The following RBM48 variants were observed in gnomAD, a reference collection of about 807,000 sequenced individuals.
RBM48 encodes RNA-binding protein 48.
RBM48 carries 32 observed loss-of-function variants against 34.8 expected under a neutral mutation model. The observed-to-expected ratio is 0.92, with a 90% CI of 0.69 to 1.23. The LOEUF is 1.23. RBM48 is among the 50% of genes most tolerant of loss of function. The probability of loss-of-function intolerance (pLI) is 0.00; values close to 1 mark genes in which losing one functional copy is unlikely to be tolerated. For synonymous variants in RBM48, 151 were observed against 156.2 expected (o/e 0.97, Z 0.25); for missense variants, 441 against 447.2 (o/e 0.99, Z 0.12).
intron 4 of RBM48, 24 bp downstream of exon 4, chr7:92,534,994 T>C (rs1793675997): frequency 1.9e-6 from 3 of 1,611,934 alleles, no homozygotes; most frequent in African/African-American, 1.3e-5. Context: ...TAAAAAACTA[T>C]TCTAAGACAC....
chr7:92,535,307 A>C, intron 4 of RBM48: 1 of 1,196,772 alleles, frequency 8.4e-7, no homozygotes, highest in Non-Finnish European at 1.0e-6. Context: ...TATGAGCCAA[A>C]GTTGAGAAGC....
chr7:92,529,672 GT>G lies in RBM48; in HGVS notation c.302+7del. 1 of 1,504,586 alleles carries G rather than the reference GT, an allele frequency of 6.6e-7. No homozygotes were observed. Among genetic ancestry groups the G allele is most frequent in the East Asian group, 2.3e-5 (1 of 42,646 alleles). The allele number at this position is 1,504,586 out of a possible 1,614,324, so 93.2% of individuals were successfully genotyped here. Reference sequence around the variant, plus strand: ...ATGAACTTACAAAGTGCAAGGTAATGTGCAAGTTAAGAAATGACTCATTTCC... The same window carrying G: ...ATGAACTTACAAAGTGCAAGGTAATGGCAAGTTAAGAAATGACTCATTTCC... On this transcript the variant is annotated splice_region_variant and intron_variant, in intron 2 of 4. Coordinates refer to ENST00000265732, the MANE Select transcript of RBM48 (RefSeq NM_032120.4).
At chr7:92,535,960 C>A (rs1793701174) in intron 4 of RBM48, 3 of 403,594 alleles carry the variant, frequency 7.4e-6, no homozygotes, top group Non-Finnish European at 1.0e-5. Context: ...TGTGATGAAA[C>A]CCCATCTTTA....
At position 92,528,895 on chromosome 7, in the gene RBM48, C is replaced by G. The variant is rs1793452912; in HGVS notation, c.82C>G (p.Arg28Gly). ...RAVCDTRAKY[R>G]EGRRPRAVKV... Reference sequence around the variant, plus strand: ...GGTATGCGACACACGGGCCAAATATCGAGAGGGACGACGGCCTCGTGCTGT... The same window carrying G: ...GGTATGCGACACACGGGCCAAATATGGAGAGGGACGACGGCCTCGTGCTGT... Residue 28 changes from arginine (R) to glycine (G), a missense_variant, in exon 1 of 5, where the codon CGA (arginine) becomes GGA (glycine). Arg to Gly is a moderately radical substitution (Grantham distance 125, BLOSUM62 -2). Transcript: ENST00000265732. 1 of 1,613,872 alleles carries G rather than the reference C, an allele frequency of 6.2e-7. No homozygotes were observed. Among genetic ancestry groups the G allele is most frequent in the Non-Finnish European group, 8.5e-7 (1 of 1,179,946 alleles).
At chr7:92,529,234 C>A in intron 1 of RBM48, 1 of 570,840 alleles carries the variant, frequency 1.8e-6, no homozygotes, top group South Asian at 2.2e-5. Flanking sequence ...TGACTTCTAC[C>A]GACTCAATTT....
In RBM48 at chr7:92,534,711, A is replaced by G. The variant is rs1306188941; in HGVS notation, c.758A>G (p.Lys253Arg). Residue 253 changes from lysine to arginine, a missense_variant, in exon 4 of 5, where the codon AAA becomes AGA. Lys to Arg is a conservative substitution (Grantham distance 26). Transcript: ENST00000265732. ...CGGAAAACACAGATAAACTCTTTGA[A>G]AAACTCAGTGGCCTGCCCTGGTGCA... ...SLRKTQINSLKNSVACPGAQK... is the reference protein window; with the variant it reads ...SLRKTQINSLRNSVACPGAQK... 2 of 1,614,092 alleles carry G rather than the reference A, an allele frequency of 1.2e-6. No individual in the cohort carries two copies. The highest frequency in any genetic ancestry group is 1.7e-6 in the Non-Finnish European group (2 of 1,180,048).
At position 92,529,629 on chromosome 7, in the gene RBM48, G is replaced by C. The variant is rs1793494077; in HGVS notation, c.265G>C (p.Val89Leu). Residue 89 changes from valine to leucine, a missense_variant, in exon 2 of 5, where the codon GTT (valine) becomes CTT (leucine). Val to Leu is a conservative substitution (Grantham distance 32). Transcript: ENST00000265732. ...DEYPAEDFTE[V>L]YLIKFMNLQS... ...ATACCCAGCAGAAGACTTTACTGAA[G>C]TTTATCTTATTAAATTTATGAACTT... 9 of 1,602,742 alleles carry C rather than the reference G, an allele frequency of 5.6e-6. No individual in the cohort carries two copies. Among genetic ancestry groups the C allele is most frequent in the Non-Finnish European group, 7.7e-6 (9 of 1,174,246 alleles).
chr7:92,535,141 C>A, intron 4 of RBM48, 171 bp downstream of exon 4: 1 of 1,439,930 alleles, frequency 6.9e-7, no homozygotes, highest in Non-Finnish European at 9.1e-7. Context: ...ATTTTATTTG[C>A]TTTAAACTGT....
rs1793751637 is a variant in RBM48 at position 92,537,532 on chromosome 7, C to T, written c.*595C>T. 6.6e-6 allele frequency: 1 copy of T among 152,180 alleles called. No homozygotes were observed. The highest frequency in any genetic ancestry group is 1.5e-5 in the Non-Finnish European group (1 of 68,042). The allele number at this position is 152,180 out of a possible 1,614,324, so 9.4% of individuals were successfully genotyped here. On this transcript the variant is annotated 3_prime_UTR_variant, in exon 5 of 5. Coordinates refer to ENST00000265732, the MANE Select transcript of RBM48 (RefSeq NM_032120.4). ...CCAGCGTCTGTTTCCAATTATAATA[C>T]AAGTATTGAATGAACCATTGAAACA...
chr7:92,534,314 A>AT (rs746487847), intron 3 of RBM48, 88 bp from the exon 4 acceptor site: 8 of 1,456,878 alleles, frequency 5.5e-6, no homozygotes, highest in East Asian at 2.4e-5. Context: ...TTTTTAAGTG[A>AT]TTTTTTTAAA....
rs1228731008 is a variant in RBM48 at position 92,539,692 on chromosome 7, G to C, written c.*2755G>C. ...CCAGTCTGGGCAACAGACGGAGACT[G>C]TGTCTCAAAAAAAAGTGTTCTTGTA... On this transcript the variant is annotated 3_prime_UTR_variant, in exon 5 of 5. Transcript: ENST00000265732. Among the ~76,000 whole-genome samples the C allele has an allele frequency of 2.0e-5, 3 of 152,124 alleles. No homozygotes were observed. Among genetic ancestry groups the C allele is most frequent in the African/African-American group, 4.8e-5 (2 of 41,446 alleles).
chr7:92,531,737 T>C (rs1793580415), intron 2 of RBM48, among the ~76,000 whole-genome samples: 1 of 152,254 alleles, frequency 6.6e-6, no homozygotes, highest in South Asian at 2.1e-4. Context: ...CTAAGTTACA[T>C]AATGTCCCAG....
chr7:92,535,096 A>T, intron 4 of RBM48, 126 bp downstream of exon 4: 1 of 1,483,120 alleles, frequency 6.7e-7, no homozygotes, highest in South Asian at 1.4e-5. Flanking sequence ...GTGTTTTTCT[A>T]CAGTTCTCTG....
At chr7:92,530,502 A>T (rs200316477) in intron 2 of RBM48, among the ~76,000 whole-genome samples, 11,614 of 151,530 alleles carry the variant, frequency 0.077, 470 homozygotes, top group Non-Finnish European at 0.087. Flanking sequence ...CTCAAAAAAA[A>T]AAAAAAATTC....
rs1793664962 is a variant in RBM48 at position 92,534,756 on chromosome 7, C to T, written c.803C>T (p.Ser268Leu). The T allele has an allele frequency of 6.8e-6, 11 of 1,614,138 alleles. No individual in the cohort carries two copies. Among genetic ancestry groups the T allele is most frequent in the Non-Finnish European group, 8.5e-6 (10 of 1,180,026 alleles). Residue 268 changes from serine (S) to leucine (L), a missense_variant, in exon 4 of 5, where the codon TCA becomes TTA. By Grantham distance (145) the Ser-to-Leu change is moderately radical. Transcript: ENST00000265732. The part of the protein sequence containing the change: ...CPGAQKAITS[S>L]EAVDRFMPRT... ...GGTGCACAAAAGGCTATTACGTCTTCAGAGGCAGTTGACAGATTTATGCCT... is the reference window on the plus strand; with the variant it reads ...GGTGCACAAAAGGCTATTACGTCTTTAGAGGCAGTTGACAGATTTATGCCT...
intron 3 of RBM48, 181 bp from the exon 4 acceptor site, chr7:92,534,221 C>A (rs758198411): frequency 1.1e-6 from 1 of 886,886 alleles, no homozygotes; most frequent in East Asian, 2.8e-5. Flanking sequence ...TGCTATATAT[C>A]TTTTTATCCG....
At position 92,533,023 on chromosome 7, in the gene RBM48, A is replaced by G. The variant is rs772490108; in HGVS notation, c.448+474A>G. On this transcript the variant is annotated intron_variant, in intron 3 of 4. Transcript: ENST00000265732. ...CTTTGACCAGAATGCAGTGAGAAGC[A>G]GTTATGATTTGCAGTTGTCAAATCA... is the stretch of plus-strand genomic sequence containing the variant. Among the ~76,000 whole-genome samples the G allele has an allele frequency of 5.0e-4, 76 of 152,380 alleles. 1 individual carries two copies. The highest frequency in any genetic ancestry group is 3.4e-3 in the Middle Eastern group (1 of 294).
At position 92,539,484 on chromosome 7, in the gene RBM48, C is replaced by T. The variant is rs1012403895; in HGVS notation, c.*2547C>T. Among the ~76,000 whole-genome samples the T allele has an allele frequency of 1.1e-4, 16 of 152,150 alleles. No homozygotes were observed. Among genetic ancestry groups the T allele is most frequent in the African/African-American group, 3.6e-4 (15 of 41,444 alleles). On this transcript the variant is annotated 3_prime_UTR_variant, in exon 5 of 5. Transcript: ENST00000265732. ...TGGGAGGCCAAGGTGGGAGGATCAC[C>T]TGAGGTCAGGAGTTCAAGGCCAGCC... is the stretch of plus-strand genomic sequence containing the variant.
chr7:92,531,452 A>T (rs1412782213), intron 2 of RBM48, among the ~76,000 whole-genome samples: 1 of 152,158 alleles, frequency 6.6e-6, no homozygotes, highest in Non-Finnish European at 1.5e-5. Context: ...TCTGAGACCC[A>T]TCCTTCTCTG....
Sources: gnomAD v4.1 joint callset for allele counts (sites outside exome capture counted in the v4.1 genomes callset) on GRCh38, gnomAD v4.1.1 for gene constraint, MANE v1.5 for transcripts, NCBI Gene and HGNC (gene_info 2026-07-23, HGNC 2026-07-21) for gene names.